The following MAN2A1 variants were observed in gnomAD, a reference collection of about 807,000 sequenced individuals.
MAN2A1 encodes the protein alpha-mannosidase 2.
MAN2A1 carries 76 observed loss-of-function variants against 142.6 expected under a neutral mutation model. That is an observed-to-expected ratio of 0.53 (90% CI 0.44 to 0.65). The LOEUF is 0.65. Among genes scored for constraint, MAN2A1 ranks in the 30% least tolerant of loss-of-function variants. The pLI is 0.00. For missense variants in MAN2A1, 1,311 were observed against 1,365.1 expected, an observed-to-expected ratio of 0.96 and a Z score of 0.62; for synonymous variants, 559 against 473.2, an observed-to-expected ratio of 1.18 and a Z score of -2.35.
At chr5:109,799,288 G>A (rs1753950689) in intron 12 of MAN2A1, among the ~76,000 whole-genome samples, 1 of 152,132 alleles carries the variant, frequency 6.6e-6, no homozygotes, top group Non-Finnish European at 1.5e-5. Flanking sequence ...TGGCTTGTGT[G>A]CCTGTATTTT....
intron 12 of MAN2A1, among the ~76,000 whole-genome samples, chr5:109,794,407 T>C (rs1485165971): frequency 1.3e-5 from 2 of 152,176 alleles, no homozygotes; most frequent in Non-Finnish European, 2.9e-5. Context: ...AACTAGTATA[T>C]AGAAATGTCT....
At chr5:109,836,409 C>A (rs1292877553) in intron 16 of MAN2A1, among the ~76,000 whole-genome samples, 2 of 152,110 alleles carry the variant, frequency 1.3e-5, no homozygotes, top group African/African-American at 4.8e-5. Flanking sequence ...AGCCACCGCA[C>A]CGGCATGCCC....
At chr5:109,840,318 C>G (rs1374227916) in intron 16 of MAN2A1, 1 of 328,544 alleles carries the variant, frequency 3.0e-6, no homozygotes, top group East Asian at 9.0e-5. Flanking sequence ...CATTTTATAT[C>G]AGCATTAATT....
intron 1 of MAN2A1, among the ~76,000 whole-genome samples, chr5:109,698,569 T>A (rs1750881136): frequency 6.6e-6 from 1 of 152,254 alleles, no homozygotes; most frequent in Non-Finnish European, 1.5e-5. Flanking sequence ...TAAAAATGTA[T>A]GCATTTGTGT....
chr5:109,751,599 T>G (rs1297173223), intron 4 of MAN2A1, among the ~76,000 whole-genome samples: 5 of 151,992 alleles, frequency 3.3e-5, no homozygotes, highest in South Asian at 2.1e-4. Flanking sequence ...CAATGCCTAT[T>G]TTAATAATGT....
chr5:109,846,714 T>A (rs1234354090), intron 18 of MAN2A1, among the ~76,000 whole-genome samples: 1 of 152,214 alleles, frequency 6.6e-6, no homozygotes, highest in Non-Finnish European at 1.5e-5. Flanking sequence ...AGATTCCTGG[T>A]GTGTCCTTTG....
At position 109,866,904 on chromosome 5, in the gene MAN2A1, T is replaced by C; in HGVS notation, c.3341T>C (p.Leu1114Pro). The change falls in exon 22 of 22, where the codon CTA (leucine) becomes CCA (proline). Residue 1114 changes from leucine to proline, a missense_variant. Transcript: ENST00000261483. ...FIVESLTPSS[L>P]SLMHSPPGTQ... ...GTCGAAAGTCTCACACCTTCATCAC[T>C]ATCCTTGATGCATTCACCTCCCGGC... 6.2e-7 allele frequency: 1 copy of C among 1,611,786 alleles called. No individual in the cohort carries two copies. Among genetic ancestry groups the C allele is most frequent in the Non-Finnish European group, 8.5e-7 (1 of 1,178,208 alleles).
At chr5:109,761,407 G>A (rs1299419778) in intron 5 of MAN2A1, among the ~76,000 whole-genome samples, 2 of 151,688 alleles carry the variant, frequency 1.3e-5, no homozygotes, top group South Asian at 4.1e-4. Flanking sequence ...TTTCTTCTTA[G>A]TATTTTTCAC....
At chr5:109,727,510 G>C (rs1751778388) in intron 3 of MAN2A1, among the ~76,000 whole-genome samples, 1 of 152,154 alleles carries the variant, frequency 6.6e-6, no homozygotes, top group South Asian at 2.1e-4. Flanking sequence ...ATATGACACA[G>C]ATCTGTCCAT....
chr5:109,705,880 C>A (rs1039237832), intron 1 of MAN2A1, among the ~76,000 whole-genome samples: 1 of 152,168 alleles, frequency 6.6e-6, no homozygotes, highest in African/African-American at 2.4e-5. Context: ...CCTCACATCT[C>A]CCTCTCTGGC....
chr5:109,691,174 C>T (rs1750661202), intron 1 of MAN2A1, among the ~76,000 whole-genome samples: 1 of 152,218 alleles, frequency 6.6e-6, no homozygotes, highest in East Asian at 1.9e-4. Context: ...AGTGGGGAAG[C>T]GCGTGTTATA....
intron 4 of MAN2A1, 131 bp downstream of exon 4, chr5:109,729,644 G>A (rs977194651): frequency 5.2e-5 from 26 of 501,504 alleles, no homozygotes; most frequent in Admixed American, 3.7e-4. Flanking sequence ...TTCACATACC[G>A]TTTTCGTTGA....
chr5:109,849,515 G>T (rs1393159024), intron 19 of MAN2A1, among the ~76,000 whole-genome samples: 1 of 152,040 alleles, frequency 6.6e-6, no homozygotes, highest in South Asian at 2.1e-4. Flanking sequence ...CTCCCCATCA[G>T]CCTTTTCTCA....
chr5:109,836,791 C>T (rs1002546142), intron 16 of MAN2A1, among the ~76,000 whole-genome samples: 13 of 152,162 alleles, frequency 8.5e-5, no homozygotes, highest in African/African-American at 3.1e-4. Context: ...TAAAATTCCT[C>T]TGGCATCTGT....
chr5:109,859,875 CTT>C (rs563606570), intron 20 of MAN2A1, among the ~76,000 whole-genome samples: 149 of 127,482 alleles, frequency 1.2e-3, no homozygotes, highest in African/African-American at 1.7e-3. Flanking sequence ...TGTAGTTCAG[CTT>C]TTTTTTTTTT....
At chr5:109,845,797 G>C in intron 17 of MAN2A1, 68 bp from the exon 18 acceptor site, 1 of 1,290,908 alleles carries the variant, frequency 7.7e-7, no homozygotes, top group South Asian at 1.6e-5. Context: ...AAAATCACCT[G>C]TCCTCAAGTT....
Position 109,855,170 on chromosome 5 carries a change from T to A in MAN2A1, c.3007T>A (p.Ser1003Thr). The A allele has an allele frequency of 6.3e-7, 1 of 1,575,746 alleles. No homozygotes were observed. Among genetic ancestry groups the A allele is most frequent in the Non-Finnish European group, 8.6e-7 (1 of 1,166,900 alleles). Residue 1003 changes from serine to threonine, a missense_variant, in exon 20 of 22, where the codon TCT becomes ACT. By Grantham distance (58) the Ser-to-Thr change is moderately conservative (BLOSUM62 1). Transcript: ENST00000261483. Reference protein sequence around the residue: ...EEEKKSVSYPSLLSHITSSLM... With the variant: ...EEEKKSVSYPTLLSHITSSLM... ...AGAAAAGAAGTCGGTCAGTTATCCT[T>A]CTCTCCTTAGCCACATAACTTCTTC... is the stretch of plus-strand genomic sequence containing the variant.
intron 4 of MAN2A1, among the ~76,000 whole-genome samples, chr5:109,737,292 A>C (rs1357124735): frequency 1.3e-5 from 2 of 151,902 alleles, no homozygotes; most frequent in Admixed American, 1.3e-4. Context: ...GGGTTTCACC[A>C]TGTTGGCCAG....
At chr5:109,801,447 A>T (rs1340782513) in intron 12 of MAN2A1, among the ~76,000 whole-genome samples, 1 of 152,158 alleles carries the variant, frequency 6.6e-6, no homozygotes, top group Non-Finnish European at 1.5e-5. Flanking sequence ...TAGCATGGGG[A>T]AGCAGGTTTT....
Sources: gnomAD v4.1 joint callset for allele counts (sites outside exome capture counted in the v4.1 genomes callset) on GRCh38, gnomAD v4.1.1 for gene constraint, MANE v1.5 for transcripts, NCBI Gene and HGNC (gene_info 2026-07-23, HGNC 2026-07-21) for gene names.